Variants in ISM1 observed in about 807,000 individuals in gnomAD.
ISM1 encodes isthmin-1.
A neutral mutation model predicts 46.3 loss-of-function variants in ISM1; 25 were observed. That is an observed-to-expected ratio of 0.54 (90% CI 0.39 to 0.75). The LOEUF is 0.75. ISM1 is among the 30% of genes least tolerant of loss of function. The pLI is 0.00. For synonymous variants in ISM1, 255 were observed against 256.7 expected, an observed-to-expected ratio of 0.99 and a Z score of 0.06; for missense variants, 536 against 625.4, an observed-to-expected ratio of 0.86 and a Z score of 1.52.
the ISM1 span, among the ~76,000 whole-genome samples, chr20:13,309,506 A>C: frequency 6.6e-6 from 1 of 152,196 alleles, no homozygotes; most frequent in Admixed American, 6.5e-5. Context: ...TTTAACCATC[A>C]GTGAAAAGCT....
chr20:13,265,989 C>T (rs576651613), intron 1 of ISM1, among the ~76,000 whole-genome samples: 1 of 152,290 alleles, frequency 6.6e-6, no homozygotes, highest in Non-Finnish European at 1.5e-5. Context: ...TCACGTCAAG[C>T]CTTGTTTCCT....
the ISM1 span, among the ~76,000 whole-genome samples, chr20:13,323,670 A>C: frequency 6.6e-6 from 1 of 152,138 alleles, no homozygotes; most frequent in Non-Finnish European, 1.5e-5. Context: ...TTTAGACCTG[A>C]TTTTTCTTAT....
At chr20:13,318,653 G>A in the ISM1 span, among the ~76,000 whole-genome samples, 1 of 152,134 alleles carries the variant, frequency 6.6e-6, no homozygotes, top group African/African-American at 2.4e-5. Context: ...CCATTGTCTG[G>A]CTATCCAGTG....
intron 2 of ISM1, among the ~76,000 whole-genome samples, chr20:13,278,993 T>C (rs1296171408): frequency 6.6e-6 from 1 of 152,234 alleles, no homozygotes; most frequent in Non-Finnish European, 1.5e-5. Context: ...TGTTAATACC[T>C]GTCACCATTC....
intron 1 of ISM1, among the ~76,000 whole-genome samples, 162 bp from the exon 2 acceptor site, chr20:13,270,341 GA>G (rs1408951820): frequency 1.3e-5 from 2 of 152,196 alleles, no homozygotes; most frequent in African/African-American, 4.8e-5. Context: ...TTTAAGACAT[GA>G]AGAAACTAAA....
At chr20:13,244,575 T>C (rs2039771862) in intron 1 of ISM1, among the ~76,000 whole-genome samples, 1 of 152,172 alleles carries the variant, frequency 6.6e-6, no homozygotes, top group East Asian at 1.9e-4. Flanking sequence ...ATATTAAAGA[T>C]ACTTATTTAG....
At chr20:13,260,523 A>G (rs2039977379) in intron 1 of ISM1, among the ~76,000 whole-genome samples, 1 of 152,192 alleles carries the variant, frequency 6.6e-6, no homozygotes, top group Admixed American at 6.5e-5. Context: ...TCTACATTTC[A>G]TGCATTTGTG....
chr20:13,222,044 G>T, intron 1 of ISM1, 130 bp downstream of exon 1: 1 of 930,954 alleles, frequency 1.1e-6, no homozygotes, highest in East Asian at 3.4e-5. Context: ...TGTTTTGGCA[G>T]TAGTTTTGCC....
At chr20:13,305,676 C>T in the ISM1 span, among the ~76,000 whole-genome samples, 81 of 152,064 alleles carry the variant, frequency 5.3e-4, 1 homozygote, top group Non-Finnish European at 2.9e-4. Context: ...AGTTTACAGC[C>T]AGTTGTTTTT....
intron 5 of ISM1, among the ~76,000 whole-genome samples, chr20:13,295,827 CA>C (rs2040401611): frequency 6.6e-6 from 1 of 152,188 alleles, no homozygotes; most frequent in African/African-American, 2.4e-5. Context: ...TGAGAGCAGC[CA>C]GGGGGTGGAT....
downstream of ISM1, among the ~76,000 whole-genome samples, chr20:13,301,642 G>A (rs1176388049): frequency 5.9e-5 from 9 of 152,190 alleles, no homozygotes; most frequent in Admixed American, 5.9e-4. Flanking sequence ...AGTAGGAAGA[G>A]AATCAATGCG....
intron 3 of ISM1, among the ~76,000 whole-genome samples, chr20:13,284,280 G>A (rs933934086): frequency 5.3e-5 from 8 of 152,192 alleles, no homozygotes; most frequent in Admixed American, 1.3e-4. Context: ...CCCACAGGAC[G>A]CTAGTGCCCT....
downstream of ISM1, among the ~76,000 whole-genome samples, chr20:13,305,199 TA>T (rs5840562): frequency 0.33 from 44,681 of 136,934 alleles, 7,214 homozygotes; most frequent in African/African-American, 0.41. Context: ...GTTGAGTTGT[TA>T]AAAAAAAAAA....
chr20:13,263,253 CTG>C (rs2040007227), intron 1 of ISM1, among the ~76,000 whole-genome samples: 1 of 152,184 alleles, frequency 6.6e-6, no homozygotes, highest in African/African-American at 2.4e-5. Flanking sequence ...GCCTTGTCAT[CTG>C]TGTCTTCACA....
At chr20:13,295,975 C>T (rs1023988995) in intron 5 of ISM1, among the ~76,000 whole-genome samples, 3 of 152,364 alleles carry the variant, frequency 2.0e-5, no homozygotes, top group African/African-American at 7.2e-5. Flanking sequence ...CAGGAGCAAC[C>T]TGGTGTCACG....
At chr20:13,254,982 C>T (rs1029075616) in intron 1 of ISM1, among the ~76,000 whole-genome samples, 1 of 152,206 alleles carries the variant, frequency 6.6e-6, no homozygotes, top group African/African-American at 2.4e-5. Context: ...AGTGCTGAGG[C>T]ACAGAAGTGA....
In ISM1 at chr20:13,221,368, G is replaced by A. The variant is rs902433223; in HGVS notation, c.-409G>A. On this transcript the variant is annotated 5_prime_UTR_variant, in exon 1 of 6. Coordinates refer to ENST00000262487, the MANE Select transcript of ISM1 (RefSeq NM_080826.2). ...GGCGCCCATGTGCGCTCGGGGGCTC[G>A]GCTGCGCCCGCCCCGCCGCCGACCC... Among the ~76,000 whole-genome samples the A allele has an allele frequency of 6.8e-6, 1 of 147,914 alleles. No individual in the cohort carries two copies. The highest frequency in any genetic ancestry group is 2.5e-5 in the African/African-American group (1 of 40,776).
At chr20:13,293,509 T>C (rs1055997108) in intron 5 of ISM1, among the ~76,000 whole-genome samples, 2 of 152,136 alleles carry the variant, frequency 1.3e-5, no homozygotes, top group Non-Finnish European at 2.9e-5. Context: ...GAGTCTTTTT[T>C]TTTTTCATAG....
chr20:13,286,247 A>C (rs373059654), intron 3 of ISM1, among the ~76,000 whole-genome samples: 3 of 151,588 alleles, frequency 2.0e-5, no homozygotes. Flanking sequence ...ACAAGTGTGC[A>C]ATTGTGTGCT....
Sources: gnomAD v4.1 joint callset for allele counts (sites outside exome capture counted in the v4.1 genomes callset) on GRCh38, gnomAD v4.1.1 for gene constraint, MANE v1.5 for transcripts, NCBI Gene and HGNC (gene_info 2026-07-23, HGNC 2026-07-21) for gene names.